Variants in CSTPP1 observed in about 807,000 individuals in gnomAD.
CSTPP1 encodes UPF0705 protein C11orf49.
At chr11:47,128,988 T>C in the CSTPP1 span, among the ~76,000 whole-genome samples, 1 of 152,198 alleles carries the variant, frequency 6.6e-6, no homozygotes, top group Non-Finnish European at 1.5e-5. Flanking sequence ...ATATCACCAT[T>C]GGGAGGGTGT....
At chr11:47,026,604 A>G in the CSTPP1 span, among the ~76,000 whole-genome samples, 2 of 152,168 alleles carry the variant, frequency 1.3e-5, no homozygotes, top group Non-Finnish European at 2.9e-5. Flanking sequence ...TTGGCTGGGC[A>G]CGGTGGCTCA....
At chr11:47,076,392 A>G in the CSTPP1 span, among the ~76,000 whole-genome samples, 1 of 152,190 alleles carries the variant, frequency 6.6e-6, no homozygotes, top group Non-Finnish European at 1.5e-5. Flanking sequence ...CCGCCCATTC[A>G]TTCTACAGTG....
the CSTPP1 span, chr11:47,162,213 T>G: frequency 1.0e-6 from 1 of 985,500 alleles, no homozygotes; most frequent in Non-Finnish European, 1.2e-6. Context: ...TAAACAAACA[T>G]GTGAAACGAA....
chr11:47,164,126 G>A, the CSTPP1 span: 2 of 1,613,740 alleles, frequency 1.2e-6, no homozygotes, highest in Admixed American at 1.7e-5. Flanking sequence ...GGACCTCACG[G>A]CAGCACAGAG....
At chr11:47,149,768 C>T in the CSTPP1 span, among the ~76,000 whole-genome samples, 1 of 152,158 alleles carries the variant, frequency 6.6e-6, no homozygotes, top group African/African-American at 2.4e-5. Flanking sequence ...GAACATCAAA[C>T]TGTCCCCCCA....
chr11:46,975,851 C>G, the CSTPP1 span, among the ~76,000 whole-genome samples: 1 of 152,178 alleles, frequency 6.6e-6, no homozygotes, highest in Non-Finnish European at 1.5e-5. Context: ...AAGTTTCTAA[C>G]TACTACTTCC....
chr11:46,967,762 G>C, the CSTPP1 span, among the ~76,000 whole-genome samples: 1 of 150,148 alleles, frequency 6.7e-6, no homozygotes, highest in Admixed American at 6.6e-5. Context: ...CTTAATCCTG[G>C]CAAAAAATAA....
the CSTPP1 span, among the ~76,000 whole-genome samples, chr11:46,943,397 C>T: frequency 6.6e-6 from 1 of 152,194 alleles, no homozygotes; most frequent in African/African-American, 2.4e-5. Flanking sequence ...AAACTCTATG[C>T]TATAAATACT....
chr11:46,970,034 A>G, the CSTPP1 span, among the ~76,000 whole-genome samples: 3 of 152,208 alleles, frequency 2.0e-5, no homozygotes, highest in African/African-American at 7.2e-5. Flanking sequence ...TGCATACTAT[A>G]ATAGACTATA....
the CSTPP1 span, among the ~76,000 whole-genome samples, chr11:47,030,561 T>C: frequency 1.3e-5 from 2 of 152,348 alleles, no homozygotes; most frequent in African/African-American, 4.8e-5. Flanking sequence ...TTGTGCAGGT[T>C]TGTTACATAG....
chr11:47,158,539 T>G, the CSTPP1 span, among the ~76,000 whole-genome samples: 12 of 152,220 alleles, frequency 7.9e-5, no homozygotes, highest in East Asian at 2.1e-3. Flanking sequence ...AGGTTTTTTG[T>G]TTTTTGTTTT....
the CSTPP1 span, among the ~76,000 whole-genome samples, chr11:47,025,696 G>T: frequency 1.3e-5 from 2 of 152,100 alleles, no homozygotes; most frequent in Non-Finnish European, 2.9e-5. Context: ...GAAATCTACA[G>T]GTGATGCTAA....
the CSTPP1 span, among the ~76,000 whole-genome samples, chr11:47,141,854 A>G: frequency 7.5e-6 from 1 of 133,614 alleles, no homozygotes; most frequent in Non-Finnish European, 1.5e-5. Flanking sequence ...AATCACTTGA[A>G]CCCGGGAGGT....
At chr11:47,096,969 G>T in the CSTPP1 span, among the ~76,000 whole-genome samples, 1 of 152,232 alleles carries the variant, frequency 6.6e-6, no homozygotes, top group Non-Finnish European at 1.5e-5. Context: ...CTTAACGATA[G>T]CCCTTTTGGC....
chr11:47,006,357 G>T, the CSTPP1 span, among the ~76,000 whole-genome samples: 1 of 152,058 alleles, frequency 6.6e-6, no homozygotes, highest in East Asian at 1.9e-4. Flanking sequence ...TTGCTTCTTT[G>T]AAAATAATCT....
chr11:46,980,884 A>G, the CSTPP1 span, among the ~76,000 whole-genome samples: 2 of 152,162 alleles, frequency 1.3e-5, no homozygotes, highest in Non-Finnish European at 2.9e-5. Context: ...GAGAAAAGCT[A>G]TTTTCTAACT....
chr11:47,087,021 G>C, the CSTPP1 span, among the ~76,000 whole-genome samples: 1 of 152,100 alleles, frequency 6.6e-6, no homozygotes, highest in Non-Finnish European at 1.5e-5. Context: ...ACATCCTTGC[G>C]AACAAGGAGA....
chr11:47,055,695 T>A, the CSTPP1 span, among the ~76,000 whole-genome samples: 115,129 of 152,044 alleles, frequency 0.76, 44,294 homozygotes, highest in African/African-American at 0.83. Context: ...AGCTAGAAAT[T>A]GAACCCAGAT....
At chr11:47,127,943 C>G in the CSTPP1 span, among the ~76,000 whole-genome samples, 1 of 151,572 alleles carries the variant, frequency 6.6e-6, no homozygotes, top group Non-Finnish European at 1.5e-5. Context: ...GTGGTGTGAT[C>G]TTGGCTCACT....
Sources: gnomAD v4.1 joint callset for allele counts (sites outside exome capture counted in the v4.1 genomes callset) on GRCh38, gnomAD v4.1.1 for gene constraint, MANE v1.5 for transcripts, NCBI Gene and HGNC (gene_info 2026-07-23, HGNC 2026-07-21) for gene names.